SQOR: variants seen among roughly 807,000 people sequenced by gnomAD.
The protein encoded by SQOR is sulfide:quinone oxidoreductase, mitochondrial.
A neutral mutation model predicts 48.6 loss-of-function variants in SQOR; 39 were observed. The observed-to-expected ratio is 0.80, with a 90% CI of 0.62 to 1.05. The LOEUF (loss-of-function observed/expected upper bound fraction) is 1.05. SQOR is among the 50% of genes least tolerant of loss of function. SQOR has a pLI of 0.00. For missense variants in SQOR, 561 were observed against 559.9 expected, an observed-to-expected ratio of 1.00 and a Z score of -0.02; for synonymous variants, 220 against 206.2, an observed-to-expected ratio of 1.07 and a Z score of -0.57.
intron 5 of SQOR, among the ~76,000 whole-genome samples, chr15:45,674,619 AC>A (rs1833044693): frequency 6.6e-6 from 1 of 152,204 alleles, no homozygotes; most frequent in African/African-American, 2.4e-5. Context: ...AAAATATGAT[AC>A]GGAAAATGCC....
At chr15:45,678,195 C>G (rs953625897) in intron 6 of SQOR, among the ~76,000 whole-genome samples, 1 of 152,190 alleles carries the variant, frequency 6.6e-6, no homozygotes, top group African/African-American at 2.4e-5. Context: ...AATAAGAAGT[C>G]TGTGGGAAGA....
In SQOR at chr15:45,691,096, A is replaced by G; in HGVS notation, c.*66A>G. 3 of 1,392,984 alleles carry G rather than the reference A, an allele frequency of 2.2e-6. No individual in the cohort carries two copies. The South Asian group carries it at 3.5e-5, about 16-fold the overall frequency. 86.3% of individuals were successfully genotyped at this position (1,392,984 alleles called of 1,614,324 possible). A position where few individuals can be genotyped will look rare whatever the true frequency, so the allele number is the denominator to read the frequency against. ...CAAAACTGCAGTCACTGAATGACCA[A>G]GAGCAGCACGAAGGACTTGGAACCT... On this transcript the variant is annotated 3_prime_UTR_variant, in exon 10 of 10. Coordinates refer to ENST00000260324, the MANE Select transcript of SQOR (RefSeq NM_021199.4).
rs777334925 is a variant in SQOR, at chr15:45,661,289, T to TAGAAAA, written c.235-666_235-665insAGAAAA. Reference sequence around the variant, plus strand: ...TGGGGTGATTGGGCGAGACTCTGTCTTAAAAAAAAAAAAAAAAAAAAAAAA... The same window carrying TAGAAAA: ...TGGGGTGATTGGGCGAGACTCTGTCTAGAAAATAAAAAAAAAAAAAAAAAAAAAAAA... On this transcript the variant is annotated intron_variant, in intron 2 of 9. Transcript: ENST00000260324. 3.0e-4 allele frequency among the ~76,000 whole-genome samples: 25 copies of TAGAAAA among 84,368 alleles called. 3 individuals are homozygous for TAGAAAA. Among genetic ancestry groups the TAGAAAA allele is most frequent in the South Asian group, 1.3e-3 (3 of 2,268 alleles). 55.3% of individuals were successfully genotyped at this position (84,368 alleles called of 152,430 possible).
In SQOR at chr15:45,659,004, C is replaced by G. The variant is rs139154395; in HGVS notation, c.81C>G (p.Val27=). The part of the protein sequence containing the change: ...ACLLRLGTQQ[V]GPLQLHTGAS... ...TGCTCAGGCTGGGCACTCAGCAGGTCGGCCCCCTTCAGCTGCACACCGGGG... is the reference window on the plus strand; with the variant it reads ...TGCTCAGGCTGGGCACTCAGCAGGTGGGCCCCCTTCAGCTGCACACCGGGG... Residue 27 remains valine (V), a synonymous_variant, in exon 2 of 10, where the codon GTC becomes GTG. Coordinates refer to ENST00000260324, the MANE Select transcript of SQOR (RefSeq NM_021199.4). 1 of 1,602,814 alleles carries G rather than the reference C, an allele frequency of 6.2e-7. No individual in the cohort carries two copies. The highest frequency in any genetic ancestry group is 1.3e-5 in the African/African-American group (1 of 74,808).
At chr15:45,654,070 C>T (rs1889547213) in intron 1 of SQOR, among the ~76,000 whole-genome samples, 2 of 147,468 alleles carry the variant, frequency 1.4e-5, no homozygotes, top group African/African-American at 2.5e-5. Flanking sequence ...TGCAGTGAGC[C>T]AAGATCTCCC....
chr15:45,632,505 C>A (rs1894916041), upstream of SQOR, among the ~76,000 whole-genome samples: 2 of 151,994 alleles, frequency 1.3e-5, no homozygotes, highest in Admixed American at 1.3e-4. Context: ...CAGGCACGAG[C>A]CACCGCACCC....
chr15:45,673,770 T>A lies in SQOR; in HGVS notation c.623T>A (p.Ile208Asn). The A allele has an allele frequency of 6.2e-7, 1 of 1,614,116 alleles. No homozygotes were observed. Among genetic ancestry groups the A allele is most frequent in the Non-Finnish European group, 8.5e-7 (1 of 1,180,026 alleles). Reference protein sequence around the residue: ...PVKCAGAPQKIMYLSEAYFRK... With the variant: ...PVKCAGAPQKNMYLSEAYFRK... ...AAGTGTGCTGGAGCCCCTCAGAAGATCATGTACTTATCAGAAGCCTACTTC... is the reference window on the plus strand; with the variant it reads ...AAGTGTGCTGGAGCCCCTCAGAAGAACATGTACTTATCAGAAGCCTACTTC... The change falls in exon 5 of 10, where the codon ATC (isoleucine) becomes AAC (asparagine). Residue 208 changes from isoleucine (I) to asparagine (N), a missense_variant. Coordinates refer to ENST00000260324, the MANE Select transcript of SQOR (RefSeq NM_021199.4).
At chr15:45,678,882 A>G (rs563208935) in intron 6 of SQOR, among the ~76,000 whole-genome samples, 1 of 152,196 alleles carries the variant, frequency 6.6e-6, no homozygotes, top group Non-Finnish European at 1.5e-5. Context: ...GTGAGAGCTC[A>G]TATGAGTGAA....
intron 6 of SQOR, among the ~76,000 whole-genome samples, chr15:45,680,965 T>C (rs1247887425): frequency 6.6e-6 from 1 of 151,274 alleles, no homozygotes; most frequent in Non-Finnish European, 1.5e-5. Context: ...TCCCAGCACT[T>C]TGGGAGGCTG....
At position 45,676,376 on chromosome 15, in the gene SQOR, G is replaced by C. The variant is rs1890037458; in HGVS notation, c.864+66G>C. ...GCTGAAACGTGCCATAGATACATGG[G>C]GGCTCACACCACCCTATCTGCCATC... On this transcript the variant is annotated intron_variant, in intron 6 of 9. Transcript: ENST00000260324. 3 of 1,439,262 alleles carry C rather than the reference G, an allele frequency of 2.1e-6. No individual in the cohort carries two copies. The Admixed American group carries it at 5.3e-5, about 25-fold the overall frequency. The allele number at this position is 1,439,262 out of a possible 1,614,324, so 89.2% of individuals were successfully genotyped here. A position where few individuals can be genotyped will look rare whatever the true frequency, so the allele number is the denominator to read the frequency against.
intron 1 of SQOR, among the ~76,000 whole-genome samples, chr15:45,655,276 C>T (rs972044584): frequency 6.6e-6 from 1 of 152,158 alleles, no homozygotes; most frequent in African/African-American, 2.4e-5. Context: ...CCATGGGGCG[C>T]TTCCTATGGG....
intron 1 of SQOR, among the ~76,000 whole-genome samples, chr15:45,648,175 GT>G (rs1391969692): frequency 6.6e-6 from 1 of 151,298 alleles, no homozygotes; most frequent in South Asian, 2.1e-4. Flanking sequence ...TTGTTTTTTT[GT>G]TTTTTTGTTT....
intron 1 of SQOR, chr15:45,645,933 T>C (rs563107284): frequency 1.3e-5 from 2 of 152,206 alleles, no homozygotes; most frequent in Non-Finnish European, 2.9e-5. Context: ...CTAGCAAGCA[T>C]TGCTATGTTT....
intron 6 of SQOR, among the ~76,000 whole-genome samples, chr15:45,680,248 C>T (rs1393102571): frequency 9.2e-5 from 14 of 151,962 alleles, no homozygotes; most frequent in Admixed American, 9.2e-4. Flanking sequence ...GCATGCACTA[C>T]CATGCCCGGG....
At chr15:45,634,496 A>G (rs1566912093), upstream of SQOR, among the ~76,000 whole-genome samples, 1 of 152,060 alleles carries the variant, frequency 6.6e-6, no homozygotes, top group Non-Finnish European at 1.5e-5. Flanking sequence ...GCTGGAAGCC[A>G]GCTTACCCCT....
intron 8 of SQOR, 49 bp downstream of exon 8, chr15:45,688,453 T>A: frequency 7.6e-7 from 1 of 1,319,054 alleles, no homozygotes; most frequent in Non-Finnish European, 1.1e-6. Flanking sequence ...TCTTCCATTC[T>A]GTGTAAAAGT....
At chr15:45,662,789 C>T (rs540754496) in intron 3 of SQOR, among the ~76,000 whole-genome samples, 31 of 152,340 alleles carry the variant, frequency 2.0e-4, no homozygotes, top group African/African-American at 7.0e-4. Flanking sequence ...TTCTTTTCCC[C>T]CACCTGCTGC....
intron 1 of SQOR, among the ~76,000 whole-genome samples, chr15:45,637,958 G>A (rs1416573601): frequency 1.3e-5 from 2 of 152,188 alleles, no homozygotes; most frequent in Non-Finnish European, 2.9e-5. Flanking sequence ...ATAGCTTATG[G>A]AAAGCTGCCC....
At chr15:45,658,253 T>A (rs1050102437) in intron 1 of SQOR, among the ~76,000 whole-genome samples, 1 of 152,178 alleles carries the variant, frequency 6.6e-6, no homozygotes, top group Admixed American at 6.5e-5. Context: ...TTGAAATTGC[T>A]AGAGGTGTGG....
Sources: gnomAD v4.1 joint callset for allele counts (sites outside exome capture counted in the v4.1 genomes callset) on GRCh38, gnomAD v4.1.1 for gene constraint, MANE v1.5 for transcripts, NCBI Gene and HGNC (gene_info 2026-07-23, HGNC 2026-07-21) for gene names.